Variants in EIF4G3 observed in about 807,000 individuals in gnomAD.
The protein encoded by EIF4G3 is eukaryotic translation initiation factor 4 gamma 3, also known as eIF-4-gamma 3.
In EIF4G3, 34 loss-of-function variants were observed where a neutral mutation model predicts 186.4. The ratio of observed to expected loss-of-function variants is 0.18; its 90% CI spans 0.14 to 0.24. EIF4G3 has a LOEUF of 0.24. Among genes scored for constraint, EIF4G3 ranks in the 10% least tolerant of loss-of-function variants. The pLI, the probability that EIF4G3 is intolerant of heterozygous loss-of-function variation, is 1.00. For missense variants in EIF4G3, 1,536 were observed against 1,948.5 expected, an observed-to-expected ratio of 0.79 and a Z score of 3.99; for synonymous variants, 673 against 679.5, an observed-to-expected ratio of 0.99 and a Z score of 0.15.
At chr1:21,122,771 C>T (rs967132294) in intron 2 of EIF4G3, among the ~76,000 whole-genome samples, 6 of 152,268 alleles carry the variant, frequency 3.9e-5, no homozygotes, top group Admixed American at 6.5e-5. Context: ...ATGCATTTAA[C>T]ATATCGGCTG....
chr1:21,138,257 TC>T (rs1394516848), intron 2 of EIF4G3, among the ~76,000 whole-genome samples: 1 of 152,112 alleles, frequency 6.6e-6, no homozygotes, highest in East Asian at 1.9e-4. Flanking sequence ...ATAGAATCAG[TC>T]CCCGAAGCTA....
chr1:21,001,980 T>C (rs984607208), intron 5 of EIF4G3, among the ~76,000 whole-genome samples: 1 of 152,190 alleles, frequency 6.6e-6, no homozygotes. Flanking sequence ...GGATGTGAGA[T>C]ACACAATGTG....
chr1:21,025,112 A>G (rs1006983445), intron 4 of EIF4G3, among the ~76,000 whole-genome samples: 2 of 152,172 alleles, frequency 1.3e-5, no homozygotes, highest in Admixed American at 6.5e-5. Flanking sequence ...CAGAAGCACA[A>G]AGACCTGAAA....
At chr1:20,828,136 G>A (rs2064141700) in intron 31 of EIF4G3, among the ~76,000 whole-genome samples, 2 of 149,772 alleles carry the variant, frequency 1.3e-5, no homozygotes, top group Admixed American at 6.7e-5. Context: ...TGGTTCAAGC[G>A]ATTCTCCTGC....
At chr1:20,881,188 T>G (rs2082212026) in intron 19 of EIF4G3, among the ~76,000 whole-genome samples, 1 of 152,166 alleles carries the variant, frequency 6.6e-6, no homozygotes. Flanking sequence ...TACGATGAAC[T>G]GATTTTCAAC....
intron 7 of EIF4G3, among the ~76,000 whole-genome samples, chr1:20,984,457 C>T (rs771042113): frequency 1.3e-4 from 19 of 151,472 alleles, no homozygotes; most frequent in East Asian, 2.0e-4. Flanking sequence ...TGAGCCACTG[C>T]GCTTGGCCAA....
chr1:21,151,236 C>CTTTTTTTTT (rs71014161), intron 2 of EIF4G3, among the ~76,000 whole-genome samples: 1,978 of 80,408 alleles, frequency 0.025, 157 homozygotes, highest in African/African-American at 0.036. Flanking sequence ...GTATTTCTTT[C>CTTTTTTTTT]TTTTTTTTTT....
At chr1:21,127,921 T>C (rs950488655) in intron 2 of EIF4G3, among the ~76,000 whole-genome samples, 5 of 152,132 alleles carry the variant, frequency 3.3e-5, no homozygotes, top group Non-Finnish European at 7.3e-5. Context: ...AAAGTTTCAG[T>C]GGGCAGGGCA....
intron 2 of EIF4G3, among the ~76,000 whole-genome samples, chr1:21,099,888 T>C (rs1428858783): frequency 6.6e-6 from 1 of 151,874 alleles, no homozygotes; most frequent in Non-Finnish European, 1.5e-5. Flanking sequence ...AACAGAAAAA[T>C]AAAAAGCATG....
chr1:20,809,080 T>A (rs1265567018), intron 36 of EIF4G3, among the ~76,000 whole-genome samples: 1 of 152,038 alleles, frequency 6.6e-6, no homozygotes, highest in African/African-American at 2.4e-5. Context: ...TTCAAGTGAT[T>A]CTCCTGCCTC....
Position 21,082,250 on chromosome 1 carries a change from C to G in EIF4G3, c.-196+6888G>C, listed in dbSNP as rs561558588. On this transcript the variant is annotated intron_variant, in intron 3 of 36. Transcript: ENST00000602326. ...GGAGCCTTTCAAGGAATTTAACCAA[C>G]TCAATGAAAGTGACATATGGACACC... is the stretch of plus-strand genomic sequence containing the variant. 2.7e-5 allele frequency among the ~76,000 whole-genome samples: 4 copies of G among 150,672 alleles called. No individual in the cohort carries two copies. In the East Asian group the frequency reaches 7.8e-4, roughly 29 times the overall value.
intron 34 of EIF4G3, among the ~76,000 whole-genome samples, chr1:20,815,789 GC>G (rs1291119903): frequency 1.1e-4 from 14 of 122,888 alleles, no homozygotes; most frequent in Non-Finnish European, 2.2e-4. Flanking sequence ...GGGGGGGTCA[GC>G]CCCCCACCCG....
At chr1:20,893,093 C>CT (rs1184859243) in intron 18 of EIF4G3, 7,037 of 145,526 alleles carry the variant, frequency 0.048, 386 homozygotes, top group African/African-American at 0.13. Context: ...TTTTTCTTTT[C>CT]TTTTTTTTTT....
chr1:21,056,194 A>G (rs1300155603), intron 3 of EIF4G3, among the ~76,000 whole-genome samples: 4 of 152,186 alleles, frequency 2.6e-5, no homozygotes, highest in Non-Finnish European at 4.4e-5. Flanking sequence ...GGTATCAGAT[A>G]TTCTAAAAAG....
At chr1:21,169,028 A>G (rs1410241545) in intron 2 of EIF4G3, among the ~76,000 whole-genome samples, 1 of 151,978 alleles carries the variant, frequency 6.6e-6, no homozygotes, top group Non-Finnish European at 1.5e-5. Context: ...AAAATTAGCT[A>G]GGTGTGGTGG....
intron 2 of EIF4G3, among the ~76,000 whole-genome samples, chr1:21,143,555 T>C (rs1187576227): frequency 6.6e-6 from 1 of 152,214 alleles, no homozygotes; most frequent in Non-Finnish European, 1.5e-5. Context: ...TTTACTAACG[T>C]TATGTCTATA....
intron 27 of EIF4G3, 101 bp from the exon 28 acceptor site, chr1:20,851,579 A>AT: frequency 1.8e-6 from 2 of 1,122,108 alleles, no homozygotes; most frequent in Non-Finnish European, 2.6e-6. Flanking sequence ...AGTATACAGA[A>AT]TTTTTCACAG....
intron 20 of EIF4G3, among the ~76,000 whole-genome samples, chr1:20,867,978 T>C (rs1019521808): frequency 5.3e-5 from 8 of 152,126 alleles, no homozygotes; most frequent in African/African-American, 1.7e-4. Context: ...CTTGAAGACT[T>C]GTTTTGGAAT....
At chr1:20,864,386 GA>G (rs2077117695) in intron 22 of EIF4G3, 89 bp downstream of exon 22, 1 of 956,910 alleles carries the variant, frequency 1.0e-6, no homozygotes, top group South Asian at 1.5e-5. Flanking sequence ...AGACCTTTGG[GA>G]AAAGATAGAA....
Sources: gnomAD v4.1 joint callset for allele counts (sites outside exome capture counted in the v4.1 genomes callset) on GRCh38, gnomAD v4.1.1 for gene constraint, MANE v1.5 for transcripts, NCBI Gene and HGNC (gene_info 2026-07-23, HGNC 2026-07-21) for gene names.